NCOA1: variants seen among roughly 807,000 people sequenced by gnomAD.
NCOA1 encodes the protein nuclear receptor coactivator 1, also known as Hin-2 protein.
A neutral mutation model predicts 150.9 loss-of-function variants in NCOA1; 35 were observed. The ratio of observed to expected loss-of-function variants is 0.23; its 90% CI spans 0.18 to 0.31. The LOEUF (loss-of-function observed/expected upper bound fraction) is 0.31, where lower values mean the gene tolerates loss of function less well. Among genes scored for constraint, NCOA1 ranks in the 10% least tolerant of loss-of-function variants. The pLI, the probability that NCOA1 is intolerant of heterozygous loss-of-function variation, is 1.00. For missense variants in NCOA1, 1,491 were observed against 1,749.3 expected (o/e 0.85, Z 2.63); for synonymous variants, 590 against 630.0 (o/e 0.94, Z 0.95).
At chr2:24,730,681 G>A (rs555939393) in intron 17 of NCOA1, among the ~76,000 whole-genome samples, 9 of 152,064 alleles carry the variant, frequency 5.9e-5, no homozygotes, top group African/African-American at 2.2e-4. Flanking sequence ...GATTGTATAA[G>A]CAACAGATAT....
At chr2:24,590,314 C>A (rs368931965) in intron 3 of NCOA1, among the ~76,000 whole-genome samples, 3 of 152,114 alleles carry the variant, frequency 2.0e-5, no homozygotes, top group Non-Finnish European at 4.4e-5. Flanking sequence ...TCAGTACTCC[C>A]GTTTCTCAAG....
In NCOA1 at chr2:24,539,966, A is replaced by G. The variant is rs113784723; in HGVS notation, c.-395-24329A>G. ...AACTGCATGTAGGAGCCCTGAGTCT[A>G]TGAGAGTAGGAAGCAGTTGGGGGTA... On this transcript the variant is annotated intron_variant, in intron 1 of 22. Coordinates refer to ENST00000348332, the MANE Select transcript of NCOA1 (RefSeq NM_003743.5). Among the ~76,000 whole-genome samples, 148 of 152,332 alleles carry G rather than the reference A, an allele frequency of 9.7e-4. 1 individual carries two copies. The highest frequency in any genetic ancestry group is 3.3e-3 in the African/African-American group (136 of 41,580).
chr2:24,734,913 G>A (rs1251101618), intron 17 of NCOA1, among the ~76,000 whole-genome samples: 1 of 152,130 alleles, frequency 6.6e-6, no homozygotes, highest in Non-Finnish European at 1.5e-5. Flanking sequence ...ATAATAGAAA[G>A]CCCAGAAACA....
chr2:24,727,175 C>A (rs1040877675), intron 15 of NCOA1, among the ~76,000 whole-genome samples: 1 of 141,312 alleles, frequency 7.1e-6, no homozygotes. Flanking sequence ...GTGGCGGGGA[C>A]AAGGGAAAGA....
intron 4 of NCOA1, among the ~76,000 whole-genome samples, chr2:24,647,756 TTTG>T (rs1670538103): frequency 6.6e-6 from 1 of 152,210 alleles, no homozygotes; most frequent in African/African-American, 2.4e-5. Flanking sequence ...TCTCAAATTA[TTTG>T]TTACTATTGA....
intron 7 of NCOA1, among the ~76,000 whole-genome samples, chr2:24,679,734 C>T (rs180824509): frequency 6.6e-6 from 1 of 152,020 alleles, no homozygotes; most frequent in Non-Finnish European, 1.5e-5. Context: ...GTGTACTTTC[C>T]TGTGCTCATC....
At chr2:24,533,093 G>A (rs1427992716) in intron 1 of NCOA1, among the ~76,000 whole-genome samples, 2 of 152,180 alleles carry the variant, frequency 1.3e-5, no homozygotes, top group African/African-American at 2.4e-5. Context: ...AGCATGGAAT[G>A]TTCTCCCATT....
At chr2:24,667,570 C>T (rs1671487836) in intron 6 of NCOA1, among the ~76,000 whole-genome samples, 1 of 152,124 alleles carries the variant, frequency 6.6e-6, no homozygotes, top group South Asian at 2.1e-4. Flanking sequence ...CCCTGGGAGA[C>T]ATGAGGGAAG....
At chr2:24,507,041 A>G (rs958386214) in intron 1 of NCOA1, among the ~76,000 whole-genome samples, 5 of 152,178 alleles carry the variant, frequency 3.3e-5, no homozygotes, top group African/African-American at 1.2e-4. Flanking sequence ...GTCCTTGTTG[A>G]TGTTGTTACT....
At chr2:24,550,696 A>G (rs913844546) in intron 1 of NCOA1, among the ~76,000 whole-genome samples, 5 of 152,246 alleles carry the variant, frequency 3.3e-5, no homozygotes, top group African/African-American at 1.2e-4. Flanking sequence ...TAGAATATCT[A>G]TGAATGCCTA....
At chr2:24,520,717 A>G (rs1012716908) in intron 1 of NCOA1, among the ~76,000 whole-genome samples, 1 of 152,248 alleles carries the variant, frequency 6.6e-6, no homozygotes, top group African/African-American at 2.4e-5. Flanking sequence ...GTCAAAATTT[A>G]TAAAACTAAA....
At chr2:24,616,069 C>A (rs933751571) in intron 3 of NCOA1, among the ~76,000 whole-genome samples, 6 of 152,110 alleles carry the variant, frequency 3.9e-5, no homozygotes, top group African/African-American at 1.2e-4. Flanking sequence ...ACTGAATTTT[C>A]TATCAAATAG....
intron 1 of NCOA1, among the ~76,000 whole-genome samples, chr2:24,537,913 G>A (rs986911487): frequency 6.6e-6 from 1 of 152,064 alleles, no homozygotes; most frequent in African/African-American, 2.4e-5. Flanking sequence ...TTGCAATTCT[G>A]TATCTGCTAA....
Position 24,706,729 on chromosome 2 carries a change from G to A in NCOA1, c.1259G>A (p.Arg420His), listed in dbSNP as rs371834198. The A allele has an allele frequency of 9.5e-5, 153 of 1,613,986 alleles. No individual in the cohort carries two copies. Among genetic ancestry groups the A allele is most frequent in the Non-Finnish European group, 1.1e-4 (135 of 1,180,022 alleles). ...NSNMVSTRIN[R>H]QQSSDLHSSS... Reference sequence around the variant, plus strand: ...AACATGGTATCCACCAGAATAAACCGCCAGCAGAGCTCAGACCTTCATAGC... The same window carrying A: ...AACATGGTATCCACCAGAATAAACCACCAGCAGAGCTCAGACCTTCATAGC... The change falls in exon 13 of 23, where the codon CGC becomes CAC. Residue 420 changes from arginine to histidine, a missense_variant. Physicochemically the swap from Arg to His is conservative, Grantham distance 29 (BLOSUM62 0). Coordinates refer to ENST00000348332, the MANE Select transcript of NCOA1 (RefSeq NM_003743.5).
At chr2:24,615,264 T>G (rs996124572) in intron 3 of NCOA1, among the ~76,000 whole-genome samples, 1 of 152,228 alleles carries the variant, frequency 6.6e-6, no homozygotes, top group African/African-American at 2.4e-5. Flanking sequence ...TGGCCTCAGT[T>G]TACAGTCAGA....
chr2:24,561,583 G>C (rs988584544), intron 1 of NCOA1, among the ~76,000 whole-genome samples: 19 of 152,118 alleles, frequency 1.2e-4, no homozygotes, highest in Admixed American at 1.2e-3. Flanking sequence ...TAGCTTTCTA[G>C]CACAATTAGG....
chr2:24,738,749 T>G (rs969165370), intron 17 of NCOA1, among the ~76,000 whole-genome samples: 1 of 152,220 alleles, frequency 6.6e-6, no homozygotes, highest in Non-Finnish European at 1.5e-5. Context: ...CACAGCATGC[T>G]GTTTTCCCAG....
chr2:24,519,312 A>G (rs1664328026), intron 1 of NCOA1, among the ~76,000 whole-genome samples: 1 of 152,174 alleles, frequency 6.6e-6, no homozygotes, highest in African/African-American at 2.4e-5. Context: ...GTCACAAAAG[A>G]TCACTATAGA....
intron 5 of NCOA1, among the ~76,000 whole-genome samples, chr2:24,664,205 T>C (rs974393986): frequency 3.9e-5 from 6 of 152,224 alleles, no homozygotes; most frequent in Admixed American, 1.3e-4. Flanking sequence ...GTGGGAGTTA[T>C]AAAATACAAT....
Sources: gnomAD v4.1 joint callset for allele counts (sites outside exome capture counted in the v4.1 genomes callset) on GRCh38, gnomAD v4.1.1 for gene constraint, MANE v1.5 for transcripts, NCBI Gene and HGNC (gene_info 2026-07-23, HGNC 2026-07-21) for gene names.